The following ASB18 variants were observed in gnomAD, a reference collection of about 807,000 sequenced individuals.
ASB18 encodes the protein ankyrin repeat and SOCS box protein 18.
In ASB18, 33 loss-of-function variants were observed where a neutral mutation model predicts 33.4. That is an observed-to-expected ratio of 0.99 (90% CI 0.75 to 1.32). The LOEUF is 1.32. Ranked by LOEUF, ASB18 falls within the 40% of genes most tolerant of loss-of-function variation. The pLI is 0.00. For synonymous variants in ASB18, 295 were observed against 307.6 expected (o/e 0.96, Z 0.43); for missense variants, 694 against 655.5 (o/e 1.06, Z -0.64).
rs145837555 is a variant in ASB18, at chr2:236,238,519, C to T, written c.329-563G>A. The stretch of plus-strand genomic sequence containing the variant: ...AAAAGGACTCAGAGAAAGTTTAGCT[C>T]TCTTGCAAGTGGCTGAGTTTTCAGA... On this transcript the variant is annotated intron_variant, in intron 2 of 5. Transcript: ENST00000409749. The surrounding 1 kb of genome is among the most constrained non-coding windows in gnomAD (Gnocchi z 5.2). Among the ~76,000 whole-genome samples, 139 of 152,266 alleles carry T rather than the reference C, an allele frequency of 9.1e-4. No homozygotes were observed. Among genetic ancestry groups the T allele is most frequent in the African/African-American group, 3.2e-3 (135 of 41,546 alleles).
rs1310689765 is a variant in ASB18, at chr2:236,237,015, C to G, written c.596+674G>C. Among the ~76,000 whole-genome samples the G allele has an allele frequency of 1.3e-5, 2 of 152,148 alleles. No individual in the cohort carries two copies. Among genetic ancestry groups the G allele is most frequent in the Non-Finnish European group, 2.9e-5 (2 of 68,014 alleles). On this transcript the variant is annotated intron_variant, in intron 3 of 5. Transcript: ENST00000409749. The surrounding 1 kb of genome is among the most constrained non-coding windows in gnomAD (Gnocchi z 6.2). ...GGAGCACACGCTGGGAGGGCGCTCT[C>G]TGGGGACGGGGGCTGCGGGACCCCC...
chr2:236,243,158 G>A (rs1309595714), intron 1 of ASB18, among the ~76,000 whole-genome samples: 22 of 151,026 alleles, frequency 1.5e-4, no homozygotes, highest in East Asian at 7.9e-4. Context: ...GTGAAACCCC[G>A]TCTCTACTAA....
Position 236,219,134 on chromosome 2 carries a change from T to C in ASB18, c.597-4268A>G, listed in dbSNP as rs1298953854. Among the ~76,000 whole-genome samples, 1 of 152,078 alleles carries C rather than the reference T, an allele frequency of 6.6e-6. No individual in the cohort carries two copies. The highest frequency in any genetic ancestry group is 6.5e-5 in the Admixed American group (1 of 15,272). On this transcript the variant is annotated intron_variant, in intron 3 of 5. Transcript: ENST00000409749. The surrounding 1 kb of genome is among the most constrained non-coding windows in gnomAD (Gnocchi z 6.4). The stretch of plus-strand genomic sequence containing the variant: ...TAAGTGATCCTCCTACCTTGGCCTC[T>C]CAAAGTGTTGAGATTACAGGCATGA...
Position 236,203,145 on chromosome 2 carries a change from G to C in ASB18, c.1102-6760C>G, listed in dbSNP as rs1246364980. ...GCTCCTACTAGAAAGCAGGGATTGT[G>C]TTATGTCTGCATGTTATGATGGCCA... On this transcript the variant is annotated intron_variant, in intron 4 of 5. Coordinates refer to ENST00000409749, the MANE Select transcript of ASB18 (RefSeq NM_212556.4). The surrounding 1 kb of genome is among the most constrained non-coding windows in gnomAD (Gnocchi z 6.0). Among the ~76,000 whole-genome samples, 1 of 152,116 alleles carries C rather than the reference G, an allele frequency of 6.6e-6. No homozygotes were observed. The highest frequency in any genetic ancestry group is 2.4e-5 in the African/African-American group (1 of 41,406).
intron 4 of ASB18, among the ~76,000 whole-genome samples, chr2:236,207,265 C>A (rs112602988): frequency 6.6e-6 from 1 of 152,166 alleles, no homozygotes; most frequent in African/African-American, 2.4e-5. Flanking sequence ...TCTGCCTTTT[C>A]CTTCTTTAGT....
rs557224710 is a variant in ASB18, at chr2:236,239,513, C to T, written c.329-1557G>A. On this transcript the variant is annotated intron_variant, in intron 2 of 5. Transcript: ENST00000409749. This position sits in a 1 kb window ranked among gnomAD's most constrained non-coding sequence, Gnocchi z 5.6. ...GGACGTGAATTAAGGCTCAGGAAGC[C>T]GGAATCAGCTTTCTGTAACTCCCGC... is the stretch of plus-strand genomic sequence containing the variant. 1.1e-5 allele frequency among the ~76,000 whole-genome samples: 1 copy of T among 90,132 alleles called. No individual in the cohort carries two copies. The highest frequency in any genetic ancestry group is 2.9e-4 in the East Asian group (1 of 3,500). 59.1% of individuals were successfully genotyped at this position (90,132 alleles called of 152,430 possible).
Position 236,196,078 on chromosome 2 carries a change from T to A in ASB18, c.1215+194A>T, listed in dbSNP as rs1385097893. On this transcript the variant is annotated intron_variant, in intron 5 of 5. Transcript: ENST00000409749. This position sits in a 1 kb window ranked among gnomAD's most constrained non-coding sequence, Gnocchi z 5.6. ...TGAGGCCATGGCACCGCAACTACTA[T>A]AACAAGCTCCTGGCTGTGTGATTAT... 1.6e-6 allele frequency: 1 copy of A among 615,066 alleles called. No individual in the cohort carries two copies. Among genetic ancestry groups the A allele is most frequent in the Non-Finnish European group, 3.0e-6 (1 of 332,102 alleles). The allele number at this position is 615,066 out of a possible 1,614,324, so 38.1% of individuals were successfully genotyped here. A position where few individuals can be genotyped will look rare whatever the true frequency, so the allele number is the denominator to read the frequency against.
At chr2:236,212,175 A>C (rs534022163) in intron 4 of ASB18, among the ~76,000 whole-genome samples, 36 of 152,112 alleles carry the variant, frequency 2.4e-4, no homozygotes, top group Non-Finnish European at 5.0e-4. Flanking sequence ...AGGTACAACA[A>C]ATCTAAACCT....
rs1161562832 is a variant in ASB18 at position 236,256,532 on chromosome 2, A to G, written c.205+7609T>C. Among the ~76,000 whole-genome samples, 1 of 152,236 alleles carries G rather than the reference A, an allele frequency of 6.6e-6. No individual in the cohort carries two copies. The highest frequency in any genetic ancestry group is 1.5e-5 in the Non-Finnish European group (1 of 68,042). On this transcript the variant is annotated intron_variant, in intron 1 of 5. Coordinates refer to ENST00000409749, the MANE Select transcript of ASB18 (RefSeq NM_212556.4). The surrounding 1 kb of genome is among the most constrained non-coding windows in gnomAD (Gnocchi z 4.7). ...ACTTCTCAAGCAGAGCACTTGTGGC[A>G]GGAAACTGTCGTCATCTCAGAAAGG...
rs1402377959 is a variant in ASB18 at position 236,213,011 on chromosome 2, G to A, written c.1101+1351C>T. Among the ~76,000 whole-genome samples the A allele has an allele frequency of 6.6e-6, 1 of 152,168 alleles. No homozygotes were observed. The highest frequency in any genetic ancestry group is 1.5e-5 in the Non-Finnish European group (1 of 68,044). On this transcript the variant is annotated intron_variant, in intron 4 of 5. Coordinates refer to ENST00000409749, the MANE Select transcript of ASB18 (RefSeq NM_212556.4). The surrounding 1 kb of genome is among the most constrained non-coding windows in gnomAD (Gnocchi z 4.8). ...ATGCAGACACAGTGTGCATGGGAAG[G>A]GCAGTGAGTCTTGTTTCCATGTTAT...
rs1328988252 is a variant in ASB18 at position 236,234,789 on chromosome 2, ACT to A, written c.596+2898_596+2899del. ...TACCTCACATCATATTCAGAAATGA[ACT>A]CAAAATGGATCACAGACTTAAATGT... is the stretch of plus-strand genomic sequence containing the variant. On this transcript the variant is annotated intron_variant, in intron 3 of 5. Transcript: ENST00000409749. This position sits in a 1 kb window ranked among gnomAD's most constrained non-coding sequence, Gnocchi z 4.1. Among the ~76,000 whole-genome samples the A allele has an allele frequency of 6.6e-6, 1 of 152,198 alleles. No individual in the cohort carries two copies. The highest frequency in any genetic ancestry group is 1.5e-5 in the Non-Finnish European group (1 of 68,030).
Position 236,257,088 on chromosome 2 carries a change from T to A in ASB18, c.205+7053A>T, listed in dbSNP as rs187452919. ...ATAAATTCCACTTGATCTGGGTGAA[T>A]CAATTCAGGCAGCGCATAATTGAGT... On this transcript the variant is annotated intron_variant, in intron 1 of 5. Coordinates refer to ENST00000409749, the MANE Select transcript of ASB18 (RefSeq NM_212556.4). The surrounding 1 kb of genome is among the most constrained non-coding windows in gnomAD (Gnocchi z 5.5). Among the ~76,000 whole-genome samples, 3 of 152,324 alleles carry A rather than the reference T, an allele frequency of 2.0e-5. No individual in the cohort carries two copies. The East Asian group carries it at 5.8e-4, about 29-fold the overall frequency.
Position 236,205,629 on chromosome 2 carries a change from T to C in ASB18, c.1101+8733A>G, listed in dbSNP as rs1305632764. Among the ~76,000 whole-genome samples, 2 of 152,242 alleles carry C rather than the reference T, an allele frequency of 1.3e-5. No homozygotes were observed. Among genetic ancestry groups the C allele is most frequent in the Non-Finnish European group, 2.9e-5 (2 of 68,036 alleles). ...TCACTCACTTATCCTATGTGCCTAG[T>C]ATATTGCTGGGACATGACTGGTGCT... On this transcript the variant is annotated intron_variant, in intron 4 of 5. Coordinates refer to ENST00000409749, the MANE Select transcript of ASB18 (RefSeq NM_212556.4). This position sits in a 1 kb window ranked among gnomAD's most constrained non-coding sequence, Gnocchi z 5.4.
chr2:236,199,188 G>A (rs1355732967), intron 4 of ASB18, among the ~76,000 whole-genome samples: 1 of 152,052 alleles, frequency 6.6e-6, no homozygotes, highest in Non-Finnish European at 1.5e-5. Flanking sequence ...GAGGTAAGTG[G>A]ATTACCTGAG....
At position 236,223,047 on chromosome 2, in the gene ASB18, C is replaced by T. The variant is rs1479332569; in HGVS notation, c.597-8181G>A. 6.6e-6 allele frequency among the ~76,000 whole-genome samples: 1 copy of T among 152,106 alleles called. No individual in the cohort carries two copies. The highest frequency in any genetic ancestry group is 1.5e-5 in the Non-Finnish European group (1 of 68,024). On this transcript the variant is annotated intron_variant, in intron 3 of 5. Coordinates refer to ENST00000409749, the MANE Select transcript of ASB18 (RefSeq NM_212556.4). The surrounding 1 kb of genome is among the most constrained non-coding windows in gnomAD (Gnocchi z 4.6). Reference sequence around the variant, plus strand: ...AAAAAAGGTGTGTGACACCCCCCATCCCTGTTCCTGCTTTCACTGTGTGGT... The same window carrying T: ...AAAAAAGGTGTGTGACACCCCCCATTCCTGTTCCTGCTTTCACTGTGTGGT...
chr2:236,232,420 A>G (rs1326381693), intron 3 of ASB18, among the ~76,000 whole-genome samples: 6 of 152,086 alleles, frequency 3.9e-5, no homozygotes, highest in Non-Finnish European at 4.4e-5. Flanking sequence ...CAGTGACATT[A>G]GCTTCCACCT....
At chr2:236,258,472 C>T (rs1016821228) in intron 1 of ASB18, among the ~76,000 whole-genome samples, 2 of 152,240 alleles carry the variant, frequency 1.3e-5, no homozygotes, top group South Asian at 2.1e-4. Flanking sequence ...CATTACACCA[C>T]ATCTTGGCAC....
intron 4 of ASB18, among the ~76,000 whole-genome samples, chr2:236,210,948 G>A (rs1324669871): frequency 6.6e-6 from 1 of 152,182 alleles, no homozygotes; most frequent in Non-Finnish European, 1.5e-5. Flanking sequence ...CCAGAAATGT[G>A]CTCCTCAAAG....
rs148969623 is a variant in ASB18 at position 236,238,714 on chromosome 2, C to T, written c.329-758G>A. On this transcript the variant is annotated intron_variant, in intron 2 of 5. Coordinates refer to ENST00000409749, the MANE Select transcript of ASB18 (RefSeq NM_212556.4). The surrounding 1 kb of genome is among the most constrained non-coding windows in gnomAD (Gnocchi z 5.2). ...AAAACTTTGGCACTTTCAAAAAGCC[C>T]GTGGAAGGTTGTTAGCGGCCAGGAG... Among the ~76,000 whole-genome samples, 61 of 152,014 alleles carry T rather than the reference C, an allele frequency of 4.0e-4. No homozygotes were observed. The East Asian group carries it at 0.01, about 26-fold the overall frequency.
Sources: allele counts gnomAD v4.1 joint callset (sites outside exome capture counted in the v4.1 genomes callset), GRCh38; gene constraint gnomAD v4.1.1; non-coding constraint Gnocchi (gnomAD v3.1); transcripts MANE v1.5; gene names NCBI Gene and HGNC (gene_info 2026-07-23, HGNC 2026-07-21).